ADCY3: variants seen among roughly 807,000 people sequenced by gnomAD.
ADCY3 encodes the protein adenylate cyclase type 3.
A neutral mutation model predicts 119.4 loss-of-function variants in ADCY3; 70 were observed. That is an observed-to-expected ratio of 0.59 (90% CI 0.48 to 0.72). The LOEUF (loss-of-function observed/expected upper bound fraction) is 0.72, where lower values mean the gene tolerates loss of function less well. Ranked by LOEUF, ADCY3 falls within the 30% of genes least tolerant of loss-of-function variation. ADCY3 has a pLI of 0.00. For missense variants in ADCY3, 1,238 were observed against 1,541.6 expected, an observed-to-expected ratio of 0.80 and a Z score of 3.30; for synonymous variants, 672 against 621.4, an observed-to-expected ratio of 1.08 and a Z score of -1.21.
chr2:24,834,708 G>T lies in ADCY3; in HGVS notation c.1806-62C>A, dbSNP rs1572837319. 2 of 1,603,286 alleles carry T rather than the reference G, an allele frequency of 1.2e-6. No individual in the cohort carries two copies. The highest frequency in any genetic ancestry group is 1.1e-5 in the South Asian group (1 of 90,742). ...ACATCTGCCTTGGCCTAGCAGGGGG[G>T]CCGTATTTGGGATGCTCAGTTTCCT... On this transcript the variant is annotated intron_variant, in intron 10 of 21. Coordinates refer to ENST00000679454, the MANE Select transcript of ADCY3 (RefSeq NM_004036.5). The surrounding 1 kb of genome is among the most constrained non-coding windows in gnomAD (Gnocchi z 4.2).
chr2:24,852,209 G>T (rs1025196974), intron 3 of ADCY3, among the ~76,000 whole-genome samples: 2 of 152,118 alleles, frequency 1.3e-5, no homozygotes, highest in Admixed American at 1.3e-4. Flanking sequence ...GCCTCGGGGG[G>T]AACTTGCAAC....
chr2:24,830,044 C>CTT (rs66894795), intron 13 of ADCY3, among the ~76,000 whole-genome samples: 8,329 of 132,662 alleles, frequency 0.063, 427 homozygotes, highest in Non-Finnish European at 0.08. Flanking sequence ...AGTGAATTAC[C>CTT]TTTTTTTTTT....
rs113008283 is a variant in ADCY3 at position 24,849,897 on chromosome 2, C to T, written c.826-7513G>A. ...CCTCTCATTCAGTCCACCTTTGGCA[C>T]GGTATCTGGATGTCCTCTAAGCTGT... is the stretch of plus-strand genomic sequence containing the variant. On this transcript the variant is annotated intron_variant, in intron 3 of 21. Coordinates refer to ENST00000679454, the MANE Select transcript of ADCY3 (RefSeq NM_004036.5). Among the ~76,000 whole-genome samples the T allele has an allele frequency of 9.5e-4, 144 of 152,264 alleles. 2 individuals are homozygous for T. The highest frequency in any genetic ancestry group is 3.4e-3 in the Middle Eastern group (1 of 294).
At chr2:24,823,492 AT>A (rs5829941) in intron 17 of ADCY3, 137 bp from the exon 18 acceptor site, 24,929 of 653,608 alleles carry the variant, frequency 0.038, 267 homozygotes, top group African/African-American at 0.14. Context: ...TTATTCCAGC[AT>A]TTTTTTTTTT....
At position 24,838,794 on chromosome 2, in the gene ADCY3, G is replaced by A. The variant is rs532183454; in HGVS notation, c.1356-172C>T. On this transcript the variant is annotated intron_variant, in intron 7 of 21. Transcript: ENST00000679454. ...CTGCCACTAACTAGCTGTGTGGGCCGCTAACTAGCTGTGTGGGCCGCTAAC... is the reference window on the plus strand; with the variant it reads ...CTGCCACTAACTAGCTGTGTGGGCCACTAACTAGCTGTGTGGGCCGCTAAC... 871 of 1,594,620 alleles carry A rather than the reference G, an allele frequency of 5.5e-4. 8 individuals are homozygous for A. In the South Asian group the frequency reaches 7.3e-3, roughly 13 times the overall value.
intron 14 of ADCY3, 105 bp downstream of exon 14, chr2:24,827,797 C>A: frequency 6.5e-7 from 1 of 1,538,722 alleles, no homozygotes. Flanking sequence ...TTGAGGACCC[C>A]TAGTGGCAGA....
chr2:24,832,511 G>C (rs1392515932), intron 11 of ADCY3, among the ~76,000 whole-genome samples: 5 of 152,088 alleles, frequency 3.3e-5, no homozygotes, highest in African/African-American at 7.2e-5. Flanking sequence ...TATACCCTCT[G>C]CTCACACCCA....
chr2:24,883,176 C>T (rs1404153256), intron 2 of ADCY3, among the ~76,000 whole-genome samples: 3 of 151,934 alleles, frequency 2.0e-5, no homozygotes, highest in Admixed American at 6.6e-5. Flanking sequence ...AGTGAAACCC[C>T]GTCTCTACTA....
chr2:24,912,229 G>A (rs552828793), intron 2 of ADCY3, among the ~76,000 whole-genome samples: 8 of 151,744 alleles, frequency 5.3e-5, no homozygotes, highest in South Asian at 4.2e-4. Context: ...TTAGGAGGCC[G>A]AGGTGGGTGA....
chr2:24,918,965 G>A lies in ADCY3; in HGVS notation c.23C>T (p.Ser8Phe), dbSNP rs1489840340. ...GTACTCGGCCGAGTATTCGGGCTCG[G>A]AGAAGCCCTGGTTCCTCGGCATACT... MPRNQGF[S>F]EPEYSAEYSA... Residue 8 changes from serine to phenylalanine, a missense_variant, in exon 2 of 22, where the codon TCC becomes TTC. Transcript: ENST00000679454. The surrounding 1 kb of genome is among the most constrained non-coding windows in gnomAD (Gnocchi z 5.4). 6.3e-6 allele frequency: 10 copies of A among 1,593,090 alleles called. No individual in the cohort carries two copies. Among genetic ancestry groups the A allele is most frequent in the Non-Finnish European group, 8.5e-6 (10 of 1,172,454 alleles).
intron 8 of ADCY3, among the ~76,000 whole-genome samples, chr2:24,837,985 A>G (rs1670510532): frequency 6.7e-6 from 1 of 148,974 alleles, no homozygotes; most frequent in Admixed American, 6.7e-5. Flanking sequence ...TATTACTTCT[A>G]TCTCATTCCT....
chr2:24,909,471 G>A (rs1435053232), intron 2 of ADCY3, among the ~76,000 whole-genome samples: 1 of 152,164 alleles, frequency 6.6e-6, no homozygotes, highest in East Asian at 1.9e-4. Flanking sequence ...GGACACAGGG[G>A]CCGTTGCATG....
Position 24,840,034 on chromosome 2 carries a change from G to T in ADCY3, c.1197-3C>A, listed in dbSNP as rs780806343. The T allele has an allele frequency of 6.2e-7, 1 of 1,605,610 alleles. No homozygotes were observed. The highest frequency in any genetic ancestry group is 8.5e-7 in the Non-Finnish European group (1 of 1,173,394). The stretch of plus-strand genomic sequence containing the variant: ...TCTTGGTCTTCTCCCGCACATACCT[G>T]CCAGGTACACACAGAAAGGAGGGTC... On this transcript the variant is annotated splice_region_variant and splice_polypyrimidine_tract_variant and intron_variant, in intron 6 of 21. Transcript: ENST00000679454.
intron 12 of ADCY3, 140 bp downstream of exon 12, chr2:24,831,522 G>C (rs1669504416): frequency 1.4e-6 from 1 of 700,868 alleles, no homozygotes; most frequent in African/African-American, 1.8e-5. Flanking sequence ...GAATGGATGG[G>C]CAAGTGCCTG....
At chr2:24,831,499 G>A (rs1226627206) in intron 12 of ADCY3, among the ~76,000 whole-genome samples, 163 bp downstream of exon 12, 2 of 152,262 alleles carry the variant, frequency 1.3e-5, no homozygotes, top group East Asian at 1.9e-4. Context: ...GGAGTGCTCT[G>A]CTGATGGTGA....
intron 3 of ADCY3, among the ~76,000 whole-genome samples, chr2:24,843,890 G>A (rs1671355175): frequency 6.6e-6 from 1 of 152,244 alleles, no homozygotes; most frequent in Non-Finnish European, 1.5e-5. Flanking sequence ...GCTCAGCAGG[G>A]AGCTGGTCAA....
At chr2:24,838,912 G>A (rs755274173) in intron 7 of ADCY3, 32 of 1,560,660 alleles carry the variant, frequency 2.1e-5, no homozygotes, top group African/African-American at 8.2e-5. Flanking sequence ...TCTTTGATCC[G>A]CTGTAAAGCA....
At chr2:24,839,784 CT>C (rs1670779745) in intron 7 of ADCY3, 88 bp downstream of exon 7, 2 of 1,571,458 alleles carry the variant, frequency 1.3e-6, no homozygotes, top group Non-Finnish European at 1.7e-6. Flanking sequence ...CTGAGGCCCC[CT>C]GTCCCTCATC....
At position 24,836,426 on chromosome 2, in the gene ADCY3, G is replaced by C. The variant is rs367981553; in HGVS notation, c.1662+491C>G. 2.8e-4 allele frequency among the ~76,000 whole-genome samples: 42 copies of C among 152,220 alleles called. 1 individual carries two copies. The highest frequency in any genetic ancestry group is 2.1e-4 in the Non-Finnish European group (14 of 68,034). On this transcript the variant is annotated intron_variant, in intron 9 of 21. Coordinates refer to ENST00000679454, the MANE Select transcript of ADCY3 (RefSeq NM_004036.5). ...AGTGAACGTGCTCCAGACGCCCTGC[G>C]GTCAGGGACCAGTTCTGGGTGCTCC...
Sources: allele counts gnomAD v4.1 joint callset (sites outside exome capture counted in the v4.1 genomes callset), GRCh38; gene constraint gnomAD v4.1.1; non-coding constraint Gnocchi (gnomAD v3.1); transcripts MANE v1.5; gene names NCBI Gene and HGNC (gene_info 2026-07-23, HGNC 2026-07-21).